SLC35F4: variants seen among roughly 807,000 people sequenced by gnomAD.
SLC35F4 encodes the protein chromosome 14 open reading frame 36.
In SLC35F4, 24 loss-of-function variants were observed where a neutral mutation model predicts 44.2. That is an observed-to-expected ratio of 0.54 (90% CI 0.39 to 0.76). The LOEUF (loss-of-function observed/expected upper bound fraction) is 0.76, where lower values mean the gene tolerates loss of function less well. SLC35F4 is among the 30% of genes least tolerant of loss of function. SLC35F4 has a pLI of 0.00. For missense variants in SLC35F4, 562 were observed against 586.1 expected (o/e 0.96, Z 0.42); for synonymous variants, 238 against 223.6 (o/e 1.06, Z -0.57).
chr14:57,599,899 T>C (rs562115439), intron 1 of SLC35F4, among the ~76,000 whole-genome samples: 11 of 151,718 alleles, frequency 7.3e-5, no homozygotes, highest in East Asian at 3.9e-4. Flanking sequence ...AGGCACCCAG[T>C]TGGGGGTCTT....
chr14:57,799,557 A>G (rs565825512), intron 1 of SLC35F4: 1 of 152,530 alleles, frequency 6.6e-6, no homozygotes, highest in East Asian at 1.9e-4. Context: ...CTGGCTTGGA[A>G]TTCCCGCCAG....
At chr14:57,579,944 C>G (rs1018695786) in intron 4 of SLC35F4, among the ~76,000 whole-genome samples, 2 of 152,148 alleles carry the variant, frequency 1.3e-5, no homozygotes, top group African/African-American at 4.8e-5. Context: ...TTCCAGCTCT[C>G]AAGGACTTGT....
chr14:57,566,672 G>A, intron 6 of SLC35F4, 108 bp from the exon 7 acceptor site: 1 of 1,063,018 alleles, frequency 9.4e-7, no homozygotes. Context: ...CTTTTAAACT[G>A]TCTATACCTT....
At chr14:57,754,717 G>C (rs376300288) in intron 1 of SLC35F4, among the ~76,000 whole-genome samples, 59 of 152,238 alleles carry the variant, frequency 3.9e-4, no homozygotes, top group African/African-American at 1.3e-3. Context: ...ATTCCACCTA[G>C]CACAGGCCTC....
At chr14:57,576,842 C>T (rs1163844947) in intron 4 of SLC35F4, among the ~76,000 whole-genome samples, 1 of 152,050 alleles carries the variant, frequency 6.6e-6, no homozygotes, top group South Asian at 2.1e-4. Context: ...AGAAATCCCA[C>T]GAAGAAAGAG....
At chr14:57,664,082 TTAAAC>T (rs1165388986) in intron 1 of SLC35F4, among the ~76,000 whole-genome samples, 2 of 152,180 alleles carry the variant, frequency 1.3e-5, no homozygotes, top group Non-Finnish European at 2.9e-5. Context: ...ATTAATATCT[TTAAAC>T]TAATAGGACA....
chr14:57,686,137 T>C (rs2075060810), intron 1 of SLC35F4, among the ~76,000 whole-genome samples: 1 of 152,148 alleles, frequency 6.6e-6, no homozygotes, highest in Non-Finnish European at 1.5e-5. Context: ...AACCATAGTT[T>C]CTAAGTAGAA....
rs772733614 is a variant in SLC35F4 at position 57,589,221 on chromosome 14, T to G, written c.582A>C (p.Lys194Asn). 1.9e-6 allele frequency: 3 copies of G among 1,602,846 alleles called. No homozygotes were observed. The highest frequency in any genetic ancestry group is 2.6e-6 in the Non-Finnish European group (3 of 1,174,798). ...TAQEKQSPMK[K>N]FRECSRIFGE... The stretch of plus-strand genomic sequence containing the variant: ...GCAGTTAACATGAAACCTACCTGAA[T>G]TTTTTCATTGGAGATTGCTTTTCTT... The change falls in exon 3 of 8, where the codon AAA becomes AAC. Residue 194 changes from lysine (K) to asparagine (N), a missense_variant. By Grantham distance (94) the Lys-to-Asn change is moderately conservative (BLOSUM62 0). Transcript: ENST00000556826.
intron 1 of SLC35F4, among the ~76,000 whole-genome samples, chr14:57,880,400 T>C (rs1055949427): frequency 6.6e-6 from 1 of 152,144 alleles, no homozygotes; most frequent in African/African-American, 2.4e-5. Context: ...AGGAAGAATG[T>C]GCTACCTCAA....
intron 1 of SLC35F4, among the ~76,000 whole-genome samples, chr14:57,896,878 TTGGGAAATTCTTCATTAATA>T (rs1888883550): frequency 6.6e-6 from 1 of 151,190 alleles, no homozygotes; most frequent in Admixed American, 6.6e-5. Context: ...AGCATGGGAT[TTGGGAAATTCTTCATTAATA>T]GTAGCTTTAA....
At chr14:57,881,758 C>T (rs1333896677) in intron 1 of SLC35F4, among the ~76,000 whole-genome samples, 1 of 152,054 alleles carries the variant, frequency 6.6e-6, no homozygotes, top group Non-Finnish European at 1.5e-5. Flanking sequence ...TGATCTCCTT[C>T]TTGAACCCCT....
At chr14:57,576,416 G>A (rs1237541038) in intron 4 of SLC35F4, among the ~76,000 whole-genome samples, 1 of 152,136 alleles carries the variant, frequency 6.6e-6, no homozygotes, top group Non-Finnish European at 1.5e-5. Flanking sequence ...TCAAGTTGAA[G>A]ACTAAAGGTC....
intron 1 of SLC35F4, among the ~76,000 whole-genome samples, chr14:57,641,787 T>C (rs1048923439): frequency 6.6e-6 from 1 of 152,022 alleles, no homozygotes. Context: ...TAGGCAATAA[T>C]TTACCCTTGC....
At chr14:57,689,339 C>T (rs2075159579) in intron 1 of SLC35F4, among the ~76,000 whole-genome samples, 1 of 152,070 alleles carries the variant, frequency 6.6e-6, no homozygotes, top group Admixed American at 6.6e-5. Context: ...CCTTTTAGCT[C>T]ATTGTTACTG....
intron 1 of SLC35F4, among the ~76,000 whole-genome samples, chr14:57,745,304 G>A (rs1416597619): frequency 2.6e-5 from 4 of 152,150 alleles, no homozygotes; most frequent in Non-Finnish European, 5.9e-5. Flanking sequence ...GCAACCTACA[G>A]AAAGGGAGAA....
At chr14:57,852,178 T>A (rs1886637962) in intron 1 of SLC35F4, among the ~76,000 whole-genome samples, 1 of 152,022 alleles carries the variant, frequency 6.6e-6, no homozygotes, top group African/African-American at 2.4e-5. Context: ...AAAGAAAAAG[T>A]ACATGAGATG....
intron 1 of SLC35F4, among the ~76,000 whole-genome samples, chr14:57,734,447 A>T (rs974361577): frequency 1.1e-4 from 17 of 152,208 alleles, no homozygotes; most frequent in African/African-American, 4.1e-4. Flanking sequence ...TACTAAATAA[A>T]GTCACATACA....
chr14:57,589,936 C>T (rs985585489), intron 2 of SLC35F4, among the ~76,000 whole-genome samples: 1 of 152,228 alleles, frequency 6.6e-6, no homozygotes, highest in South Asian at 2.1e-4. Flanking sequence ...CTCTCTTGCT[C>T]TTCCCCTCTG....
chr14:57,778,305 A>C (rs2077539887), intron 1 of SLC35F4, among the ~76,000 whole-genome samples: 1 of 152,188 alleles, frequency 6.6e-6, no homozygotes, highest in Non-Finnish European at 1.5e-5. Flanking sequence ...GCAGCATGAG[A>C]ATGGACTAAT....
Sources: gnomAD v4.1 joint callset for allele counts (sites outside exome capture counted in the v4.1 genomes callset) on GRCh38, gnomAD v4.1.1 for gene constraint, MANE v1.5 for transcripts, NCBI Gene and HGNC (gene_info 2026-07-23, HGNC 2026-07-21) for gene names.